Variants in IQSEC1 observed in about 807,000 individuals in gnomAD.
IQSEC1 encodes IQ motif and SEC7 domain-containing protein 1.
Under a neutral mutation model 91.0 loss-of-function variants are expected in IQSEC1, and 31 were observed. That is an observed-to-expected ratio of 0.34 (90% CI 0.26 to 0.46). The LOEUF (loss-of-function observed/expected upper bound fraction) is 0.46. IQSEC1 is among the 20% of genes least tolerant of loss of function. The pLI is 1.00. For synonymous variants in IQSEC1, 699 were observed against 662.6 expected (o/e 1.05, Z -0.84); for missense variants, 1,388 against 1,575.6 (o/e 0.88, Z 2.02).
At chr3:13,135,482 G>T (rs565420634) in intron 2 of IQSEC1, among the ~76,000 whole-genome samples, 1 of 152,212 alleles carries the variant, frequency 6.6e-6, no homozygotes, top group Non-Finnish European at 1.5e-5. Flanking sequence ...GTGAGGCCAG[G>T]GCCCAGGAGG....
intron 1 of IQSEC1, among the ~76,000 whole-genome samples, chr3:13,186,159 C>T (rs566900753): frequency 9.2e-5 from 14 of 152,158 alleles, no homozygotes; most frequent in Non-Finnish European, 1.6e-4. Context: ...TATCTATTAC[C>T]CAACATAGGT....
At chr3:13,170,069 G>A (rs1693579053) in intron 1 of IQSEC1, among the ~76,000 whole-genome samples, 1 of 152,222 alleles carries the variant, frequency 6.6e-6, no homozygotes, top group Non-Finnish European at 1.5e-5. Flanking sequence ...AAGCCCAGAG[G>A]CCTAGGAGAA....
chr3:13,053,173 G>C (rs150858390), intron 1 of IQSEC1: 16 of 743,550 alleles, frequency 2.2e-5, no homozygotes, highest in Non-Finnish European at 3.5e-5. Context: ...AAGGAAGAGA[G>C]GGGACTGGCT....
intron 1 of IQSEC1, among the ~76,000 whole-genome samples, chr3:13,262,281 C>T (rs1358511869): frequency 6.6e-6 from 1 of 152,150 alleles, no homozygotes; most frequent in African/African-American, 2.4e-5. Context: ...GACCTTGCCT[C>T]AAAAATAAAT....
chr3:12,980,346 C>A (rs898017797), intron 1 of IQSEC1, among the ~76,000 whole-genome samples: 3 of 152,214 alleles, frequency 2.0e-5, no homozygotes, highest in Non-Finnish European at 4.4e-5. Flanking sequence ...AAGAACCTGA[C>A]CCCACGAACT....
intron 1 of IQSEC1, among the ~76,000 whole-genome samples, chr3:12,963,926 A>C (rs1431988265): frequency 6.6e-6 from 1 of 152,246 alleles, no homozygotes; most frequent in African/African-American, 2.4e-5. Context: ...GCATGTGTGC[A>C]CTTGTTAACA....
chr3:13,038,243 T>C (rs1450429964), intron 1 of IQSEC1, among the ~76,000 whole-genome samples: 1 of 87,176 alleles, frequency 1.1e-5, no homozygotes, highest in African/African-American at 6.1e-5. Flanking sequence ...TATACAAGTA[T>C]ATATATGTGT....
intron 4 of IQSEC1, among the ~76,000 whole-genome samples, chr3:12,923,282 T>TG: frequency 6.7e-6 from 1 of 149,378 alleles, no homozygotes; most frequent in Non-Finnish European, 1.5e-5. Flanking sequence ...CGGCTTGGAG[T>TG]GGGGAGTCGG....
At chr3:13,077,961 G>A (rs191230764), upstream of IQSEC1, among the ~76,000 whole-genome samples, 353 of 152,302 alleles carry the variant, frequency 2.3e-3, 5 homozygotes, top group African/African-American at 5.9e-3. Context: ...GGCTGGCATC[G>A]GTCCCCACTT....
chr3:13,242,946 C>A (rs1043948808), intron 1 of IQSEC1, among the ~76,000 whole-genome samples: 2 of 151,946 alleles, frequency 1.3e-5, no homozygotes, highest in African/African-American at 4.8e-5. Flanking sequence ...ATGTGGGGGG[C>A]CCTACGGGAA....
rs534833110 is a variant in IQSEC1 at position 12,899,717 on chromosome 3, AAC to A, written c.*1264_*1265del. The A allele has an allele frequency of 3.1e-3, 3,017 of 984,616 alleles. 6 individuals carry two copies. Among genetic ancestry groups the A allele is most frequent in the Non-Finnish European group, 3.5e-3 (2,867 of 829,442 alleles). The allele number at this position is 984,616 out of a possible 1,614,324, so 61.0% of individuals were successfully genotyped here. On this transcript the variant is annotated 3_prime_UTR_variant, in exon 14 of 14. Transcript: ENST00000613206. ...CTACCACTCAGAAAACAAAACGGGA[AAC>A]ACACACACCGCCCTGGGTTGCTAAA...
intron 1 of IQSEC1, among the ~76,000 whole-genome samples, chr3:13,055,166 T>C (rs1704831169): frequency 6.6e-6 from 1 of 152,168 alleles, no homozygotes; most frequent in South Asian, 2.1e-4. Context: ...CACCCCTCCA[T>C]CCTGCCAAAC....
chr3:13,230,252 T>C (rs1203910685), intron 1 of IQSEC1, among the ~76,000 whole-genome samples: 1 of 152,220 alleles, frequency 6.6e-6, no homozygotes, highest in Non-Finnish European at 1.5e-5. Flanking sequence ...TTAAGAAACA[T>C]AAATAAGTCA....
intron 2 of IQSEC1, among the ~76,000 whole-genome samples, chr3:13,124,096 C>CT (rs1706472053): frequency 6.6e-6 from 1 of 152,216 alleles, no homozygotes; most frequent in Admixed American, 6.5e-5. Context: ...GAGCTAGCAA[C>CT]TGCTTCGTTC....
At chr3:13,006,220 C>T (rs747671635) in intron 1 of IQSEC1, among the ~76,000 whole-genome samples, 4 of 152,232 alleles carry the variant, frequency 2.6e-5, no homozygotes, top group African/African-American at 7.2e-5. Flanking sequence ...CTTGGGCATA[C>T]GACTTTCCTT....
At chr3:12,945,067 C>T (rs917390313) in intron 1 of IQSEC1, among the ~76,000 whole-genome samples, 6 of 152,156 alleles carry the variant, frequency 3.9e-5, no homozygotes, top group Non-Finnish European at 8.8e-5. Context: ...CCTTTGTTCC[C>T]AGTTGGCCGC....
At chr3:13,031,870 G>A (rs1042891268) in intron 1 of IQSEC1, among the ~76,000 whole-genome samples, 9 of 152,218 alleles carry the variant, frequency 5.9e-5, no homozygotes, top group African/African-American at 1.9e-4. Context: ...CTAAGAAGGC[G>A]GTGGAGGAGG....
At chr3:13,201,624 C>T (rs1325463689) in intron 1 of IQSEC1, among the ~76,000 whole-genome samples, 1 of 152,182 alleles carries the variant, frequency 6.6e-6, no homozygotes, top group Non-Finnish European at 1.5e-5. Context: ...GATTATGGGC[C>T]TTAGCCACCG....
rs1226892298 is a variant in IQSEC1 at position 12,900,777 on chromosome 3, G to A, written c.*206C>T. Reference sequence around the variant, plus strand: ...CTCAGACTGAGGTGAGCAGAGCCCAGGGTGCCAACAAGAAATGAAATCTGG... The same window carrying A: ...CTCAGACTGAGGTGAGCAGAGCCCAAGGTGCCAACAAGAAATGAAATCTGG... On this transcript the variant is annotated 3_prime_UTR_variant, in exon 14 of 14. Coordinates refer to ENST00000613206, the MANE Select transcript of IQSEC1 (RefSeq NM_001134382.3). 4.2e-6 allele frequency: 6 copies of A among 1,444,750 alleles called. No individual in the cohort carries two copies. The highest frequency in any genetic ancestry group is 4.5e-6 in the Non-Finnish European group (5 of 1,103,952). 89.5% of individuals were successfully genotyped at this position (1,444,750 alleles called of 1,614,324 possible). A position where few individuals can be genotyped will look rare whatever the true frequency, so the allele number is the denominator to read the frequency against.
Sources: gnomAD v4.1 joint callset for allele counts (sites outside exome capture counted in the v4.1 genomes callset) on GRCh38, gnomAD v4.1.1 for gene constraint, MANE v1.5 for transcripts, NCBI Gene and HGNC (gene_info 2026-07-23, HGNC 2026-07-21) for gene names.